NRG1: variants seen among roughly 807,000 people sequenced by gnomAD.
The protein encoded by NRG1 is pro-neuregulin-1, membrane-bound isoform.
A neutral mutation model predicts 63.8 loss-of-function variants in NRG1; 18 were observed. The observed-to-expected ratio is 0.28, with a 90% confidence interval of 0.19 to 0.42. The LOEUF is 0.42. Ranked by LOEUF, NRG1 falls within the 10% of genes least tolerant of loss-of-function variation. The pLI is 1.00. For missense variants in NRG1, 762 were observed against 814.7 expected, an observed-to-expected ratio of 0.94 and a Z score of 0.79; for synonymous variants, 302 against 301.3, an observed-to-expected ratio of 1.00 and a Z score of -0.02.
At chr8:32,771,715 A>AAAAATATATATATATATATAT (rs1343943621), downstream of NRG1, among the ~76,000 whole-genome samples, 4 of 111,848 alleles carry the variant, frequency 3.6e-5, no homozygotes, top group African/African-American at 1.4e-4. Flanking sequence ...TTAAAAAAAA[A>AAAAATATATATATATATATAT]ATATATATAT....
chr8:32,743,597 A>ATAT lies in NRG1; in HGVS notation c.691+864_691+865insTAT, dbSNP rs1335040311. On this transcript the variant is annotated intron_variant, in intron 7 of 11. Coordinates refer to ENST00000356819, the Ensembl canonical transcript of NRG1. ...ACATATATATATATATATATATATA[A>ATAT]AACTTAATAACTTAAGGCAAAACTG... Among the ~76,000 whole-genome samples, 164 of 37,022 alleles carry ATAT rather than the reference A, an allele frequency of 4.4e-3. 1 individual carries two copies. Among genetic ancestry groups the ATAT allele is most frequent in the Admixed American group, 0.011 (36 of 3,196 alleles). The allele number at this position is 37,022 out of a possible 152,430, so 24.3% of individuals were successfully genotyped here. A position where few individuals can be genotyped will look rare whatever the true frequency, so the allele number is the denominator to read the frequency against.
chr8:31,988,921 T>C (rs1456769182), intron 1 of NRG1, among the ~76,000 whole-genome samples: 2 of 152,000 alleles, frequency 1.3e-5, no homozygotes, highest in Non-Finnish European at 2.9e-5. Flanking sequence ...GACCCCTCTT[T>C]TTGTTGACGA....
At chr8:32,080,284 A>T (rs1236517961) in intron 1 of NRG1, among the ~76,000 whole-genome samples, 1 of 152,198 alleles carries the variant, frequency 6.6e-6, no homozygotes, top group African/African-American at 2.4e-5. Flanking sequence ...AAGGTGTAAG[A>T]ACATGTCCTG....
intron 1 of NRG1, among the ~76,000 whole-genome samples, chr8:32,215,596 A>G (rs575528974): frequency 6.6e-6 from 1 of 152,244 alleles, no homozygotes; most frequent in Non-Finnish European, 1.5e-5. Flanking sequence ...AAGGTCTCAC[A>G]GTTGTAAGGG....
intron 1 of NRG1, among the ~76,000 whole-genome samples, chr8:32,419,595 G>A (rs10954843): frequency 0.97 from 147,606 of 152,274 alleles, 71,699 homozygotes; most frequent in East Asian, 1. Flanking sequence ...GGGAGAGTGG[G>A]CCAAGTTTAT....
At chr8:32,456,447 C>T (rs1471513667) in intron 1 of NRG1, among the ~76,000 whole-genome samples, 1 of 152,178 alleles carries the variant, frequency 6.6e-6, no homozygotes, top group Non-Finnish European at 1.5e-5. Flanking sequence ...GATTTTCTCC[C>T]ACCTCTGCCA....
chr8:31,764,613 T>A (rs1005075493), intron 1 of NRG1, among the ~76,000 whole-genome samples: 1 of 152,222 alleles, frequency 6.6e-6, no homozygotes, highest in Admixed American at 6.5e-5. Context: ...CAAAATATTT[T>A]GCTGAGATAT....
chr8:32,053,702 A>G (rs891632188), intron 1 of NRG1, among the ~76,000 whole-genome samples: 8 of 152,206 alleles, frequency 5.3e-5, no homozygotes, highest in Non-Finnish European at 1.0e-4. Flanking sequence ...CTCTGTTGTT[A>G]TAACAGTTTC....
At chr8:32,743,692 T>C (rs1826904159) in intron 7 of NRG1, among the ~76,000 whole-genome samples, 1 of 150,884 alleles carries the variant, frequency 6.6e-6, no homozygotes, top group African/African-American at 2.4e-5. Flanking sequence ...CAATTCACAT[T>C]GTACATAATT....
chr8:32,054,528 T>C (rs1314335591), intron 1 of NRG1, among the ~76,000 whole-genome samples: 1 of 152,224 alleles, frequency 6.6e-6, no homozygotes, highest in Non-Finnish European at 1.5e-5. Flanking sequence ...AATCATGTGT[T>C]ATTGTTAAAG....
rs1239526880 is a variant in NRG1 at position 32,748,336 on chromosome 8, C to CGCACGT, written c.691+5605_691+5606insACGTGC. 5.6e-5 allele frequency among the ~76,000 whole-genome samples: 5 copies of CGCACGT among 89,600 alleles called. No homozygotes were observed. The Admixed American group carries it at 7.2e-4, about 13-fold the overall frequency. The allele number at this position is 89,600 out of a possible 152,430, so 58.8% of individuals were successfully genotyped here. On this transcript the variant is annotated intron_variant, in intron 7 of 11. Coordinates refer to ENST00000356819, the Ensembl canonical transcript of NRG1. ...ACATAGGCGCATGTACACGCGCGCG[C>CGCACGT]GCGCACACACACACACACACACAGA... is the stretch of plus-strand genomic sequence containing the variant.
At chr8:32,492,211 G>C (rs1464294652) in intron 1 of NRG1, among the ~76,000 whole-genome samples, 1 of 152,098 alleles carries the variant, frequency 6.6e-6, no homozygotes, top group Non-Finnish European at 1.5e-5. Flanking sequence ...TTGAGCACAT[G>C]CTCAAGGTGG....
chr8:32,771,668 A>G (rs1831802411), downstream of NRG1, among the ~76,000 whole-genome samples: 2 of 145,046 alleles, frequency 1.4e-5, no homozygotes. Flanking sequence ...TGTTTGTCTT[A>G]GTTTCTACAC....
At chr8:32,222,523 C>T (rs886560371) in intron 1 of NRG1, among the ~76,000 whole-genome samples, 3 of 152,148 alleles carry the variant, frequency 2.0e-5, no homozygotes, top group Admixed American at 6.5e-5. Context: ...GAAATCTTGA[C>T]CCACTATAAA....
rs762260064 is a variant in NRG1 at position 32,758,520 on chromosome 8, G to A, written c.922-786G>A. On this transcript the variant is annotated intron_variant, in intron 9 of 11. Transcript: ENST00000356819. ...TGAACCGGGAGGTGGAGGTTGCAGT[G>A]AGCTGAGATTGCACCACTGCTCTCC... Among the ~76,000 whole-genome samples, 7 of 124,476 alleles carry A rather than the reference G, an allele frequency of 5.6e-5. No homozygotes were observed. The South Asian group carries it at 8.3e-4, about 15-fold the overall frequency. 81.7% of individuals were successfully genotyped at this position (124,476 alleles called of 152,430 possible).
intron 1 of NRG1, among the ~76,000 whole-genome samples, chr8:32,559,176 G>A (rs1481658685): frequency 7.5e-6 from 1 of 132,548 alleles, no homozygotes; most frequent in East Asian, 2.5e-4. Flanking sequence ...TTAATTTACA[G>A]AGAGAAATAA....
chr8:32,489,631 T>G (rs1353204659), intron 1 of NRG1, among the ~76,000 whole-genome samples: 1 of 152,136 alleles, frequency 6.6e-6, no homozygotes, highest in Non-Finnish European at 1.5e-5. Context: ...AGCCCAGGAC[T>G]GCAGATAATC....
chr8:32,213,475 G>A (rs991662700), intron 1 of NRG1, among the ~76,000 whole-genome samples: 4 of 152,060 alleles, frequency 2.6e-5, no homozygotes, highest in African/African-American at 9.7e-5. Context: ...GCATGGGAGG[G>A]AGAACATCAG....
Position 32,701,780 on chromosome 8 carries a change from G to A in NRG1, c.503-26169G>A, listed in dbSNP as rs562920581. ...TGATTTATTCCATGAACAATTTAAG[G>A]TATTTTAACTATCTGACATTCATTT... On this transcript the variant is annotated intron_variant, in intron 5 of 11. Transcript: ENST00000356819. 4.6e-5 allele frequency among the ~76,000 whole-genome samples: 7 copies of A among 152,136 alleles called. No homozygotes were observed. In the South Asian group the frequency reaches 1.0e-3, roughly 23 times the overall value.
Sources: gnomAD v4.1 joint callset for allele counts (sites outside exome capture counted in the v4.1 genomes callset) on GRCh38, gnomAD v4.1.1 for gene constraint, MANE v1.5 for transcripts, NCBI Gene and HGNC (gene_info 2026-07-23, HGNC 2026-07-21) for gene names.